The following NRG1 variants were observed in gnomAD, a reference collection of about 807,000 sequenced individuals.
NRG1 encodes the protein pro-neuregulin-1, membrane-bound isoform.
NRG1 carries 18 observed loss-of-function variants against 63.8 expected under a neutral mutation model. The ratio of observed to expected loss-of-function variants is 0.28; its 90% CI spans 0.19 to 0.42. The LOEUF (loss-of-function observed/expected upper bound fraction) is 0.42. Ranked by LOEUF, NRG1 falls within the 10% of genes least tolerant of loss-of-function variation. The pLI is 1.00. For synonymous variants in NRG1, 302 were observed against 301.3 expected (o/e 1.00, Z -0.02); for missense variants, 762 against 814.7 (o/e 0.94, Z 0.79).
chr8:32,685,946 ATAGTTTC>A (rs1483530456), intron 5 of NRG1, among the ~76,000 whole-genome samples: 3 of 152,238 alleles, frequency 2.0e-5, no homozygotes, highest in Non-Finnish European at 4.4e-5. Flanking sequence ...TTGAGTATTT[ATAGTTTC>A]TAATTTTTGG....
intron 3 of NRG1, among the ~76,000 whole-genome samples, chr8:32,607,225 C>T (rs929655160): frequency 6.6e-6 from 1 of 152,106 alleles, no homozygotes; most frequent in East Asian, 1.9e-4. Context: ...CTTTACCCCA[C>T]GTAGAATTCT....
At chr8:32,247,972 A>T (rs1325541511) in intron 1 of NRG1, among the ~76,000 whole-genome samples, 1 of 152,074 alleles carries the variant, frequency 6.6e-6, no homozygotes, top group Non-Finnish European at 1.5e-5. Context: ...GATCTTTTTG[A>T]AATCTTATAA....
At chr8:32,080,448 C>T (rs1433902429) in intron 1 of NRG1, among the ~76,000 whole-genome samples, 1 of 152,106 alleles carries the variant, frequency 6.6e-6, no homozygotes, top group Non-Finnish European at 1.5e-5. Flanking sequence ...AGTGACTACA[C>T]CTAAGCTCAG....
chr8:31,735,471 T>G (rs1814568954), intron 1 of NRG1, among the ~76,000 whole-genome samples: 1 of 152,164 alleles, frequency 6.6e-6, no homozygotes, highest in African/African-American at 2.4e-5. Context: ...ACATTTCCGC[T>G]TTTTGTATCT....
intron 1 of NRG1, among the ~76,000 whole-genome samples, chr8:31,734,076 C>T (rs540517340): frequency 1.3e-5 from 2 of 152,236 alleles, no homozygotes; most frequent in East Asian, 3.9e-4. Context: ...GGCAGTGGCT[C>T]ATGCATGTAA....
At position 32,268,649 on chromosome 8, in the gene NRG1, C is replaced by T. The variant is rs148889863; in HGVS notation, c.38-327179C>T. ...ATCATGACACAGGGGGTTGTTTATA[C>T]AGGGTTTTTAGAAAACAAAAACATT... On this transcript the variant is annotated intron_variant, in intron 1 of 10. Coordinates refer to the NRG1 transcript ENST00000519301. Among the ~76,000 whole-genome samples the T allele has an allele frequency of 1.5e-4, 23 of 152,180 alleles. No homozygotes were observed. In the East Asian group the frequency reaches 4.4e-3, roughly 29 times the overall value.
intron 1 of NRG1, among the ~76,000 whole-genome samples, chr8:32,410,404 C>G (rs1440400078): frequency 6.6e-6 from 1 of 151,526 alleles, no homozygotes; most frequent in East Asian, 1.9e-4. Context: ...TGGGCTCAAG[C>G]GATCTACCCT....
chr8:31,754,595 A>G (rs1213376733), intron 1 of NRG1, among the ~76,000 whole-genome samples: 1 of 152,102 alleles, frequency 6.6e-6, no homozygotes, highest in Non-Finnish European at 1.5e-5. Flanking sequence ...TAGCAACGCA[A>G]CAATGAATGA....
At chr8:32,084,048 CATAG>C (rs1188768323) in intron 1 of NRG1, among the ~76,000 whole-genome samples, 3 of 152,094 alleles carry the variant, frequency 2.0e-5, no homozygotes, top group Non-Finnish European at 4.4e-5. Flanking sequence ...TCATTTAATA[CATAG>C]ATAGTACTAG....
chr8:32,763,580 C>G lies in NRG1; in HGVS notation c.1260-168C>G, dbSNP rs112500333. On this transcript the variant is annotated intron_variant, in intron 11 of 11. Coordinates refer to ENST00000356819, the Ensembl canonical transcript of NRG1. ...AGGAAACTCTTGGCTACCTAATTTT[C>G]GATTCCAAGGGTGTGGAATTTCCTA... is the stretch of plus-strand genomic sequence containing the variant. Among the ~76,000 whole-genome samples, 7 of 152,258 alleles carry G rather than the reference C, an allele frequency of 4.6e-5. No individual in the cohort carries two copies. In the East Asian group the frequency reaches 1.2e-3, roughly 25 times the overall value.
intron 5 of NRG1, among the ~76,000 whole-genome samples, chr8:32,713,418 C>T (rs1242471870): frequency 2.6e-5 from 4 of 152,144 alleles, no homozygotes; most frequent in Middle Eastern, 3.4e-3. Context: ...AAGGGTATTA[C>T]GCCTTATTTA....
At chr8:32,697,813 C>T (rs1236431995) in intron 5 of NRG1, among the ~76,000 whole-genome samples, 1 of 152,160 alleles carries the variant, frequency 6.6e-6, no homozygotes, top group Non-Finnish European at 1.5e-5. Flanking sequence ...CTTTTTATAG[C>T]ATCTGGATTA....
intron 1 of NRG1, among the ~76,000 whole-genome samples, chr8:32,437,105 G>A (rs1007626810): frequency 6.6e-6 from 1 of 152,076 alleles, no homozygotes; most frequent in African/African-American, 2.4e-5. Context: ...CATATCAGGG[G>A]ATCTTCCACT....
At chr8:32,387,118 G>C in intron 1 of NRG1, among the ~76,000 whole-genome samples, 1 of 152,128 alleles carries the variant, frequency 6.6e-6, no homozygotes, top group East Asian at 1.9e-4. Flanking sequence ...AAGTAACATA[G>C]GTAGTTTTCA....
At chr8:31,899,285 T>C (rs967856263) in intron 1 of NRG1, among the ~76,000 whole-genome samples, 5 of 152,002 alleles carry the variant, frequency 3.3e-5, no homozygotes, top group South Asian at 4.1e-4. Context: ...TTCTTTCTTT[T>C]TTTTTGTACC....
At chr8:31,802,859 A>G (rs1035064175) in intron 1 of NRG1, among the ~76,000 whole-genome samples, 1 of 152,230 alleles carries the variant, frequency 6.6e-6, no homozygotes, top group African/African-American at 2.4e-5. Flanking sequence ...TTTGTAGAAT[A>G]TCAAAGATGT....
chr8:32,003,523 T>A (rs1813276410), intron 1 of NRG1, among the ~76,000 whole-genome samples: 1 of 151,838 alleles, frequency 6.6e-6, no homozygotes, highest in East Asian at 1.9e-4. Flanking sequence ...ACAAATGAAA[T>A]ATAGAAATGA....
intron 1 of NRG1, among the ~76,000 whole-genome samples, chr8:32,157,977 A>G (rs1370975200): frequency 6.6e-6 from 1 of 152,036 alleles, no homozygotes; most frequent in African/African-American, 2.4e-5. Flanking sequence ...CACTTTCCCA[A>G]ACTCTGTCCC....
intron 1 of NRG1, among the ~76,000 whole-genome samples, chr8:31,730,898 T>C (rs572895143): frequency 6.6e-6 from 1 of 152,292 alleles, no homozygotes; most frequent in East Asian, 1.9e-4. Flanking sequence ...TTAGTATCTA[T>C]GATTTTTAAA....
Sources: allele counts gnomAD v4.1 joint callset (sites outside exome capture counted in the v4.1 genomes callset), GRCh38; gene constraint gnomAD v4.1.1; transcripts MANE v1.5; gene names NCBI Gene and HGNC (gene_info 2026-07-23, HGNC 2026-07-21).